CSMD3: variants seen among roughly 807,000 people sequenced by gnomAD.
CSMD3 encodes the protein CUB and Sushi multiple domains 3.
In CSMD3, 177 loss-of-function variants were observed where a neutral mutation model predicts 435.2. That is an observed-to-expected ratio of 0.41 (90% CI 0.36 to 0.46). CSMD3 has a LOEUF of 0.46. Among genes scored for constraint, CSMD3 ranks in the 20% least tolerant of loss-of-function variants. The probability of loss-of-function intolerance (pLI) is 0.34; values close to 1 mark genes in which losing one functional copy is unlikely to be tolerated. For synonymous variants in CSMD3, 1,656 were observed against 1,520.5 expected, an observed-to-expected ratio of 1.09 and a Z score of -2.07; for missense variants, 4,265 against 4,504.6, an observed-to-expected ratio of 0.95 and a Z score of 1.52.
chr8:112,848,592 A>G (rs1430539304), intron 11 of CSMD3, among the ~76,000 whole-genome samples: 1 of 152,132 alleles, frequency 6.6e-6, no homozygotes, highest in Non-Finnish European at 1.5e-5. Context: ...ATGAAAAATA[A>G]GCATATATAA....
intron 8 of CSMD3, 66 bp downstream of exon 8, chr8:112,954,618 A>G (rs2083943047): frequency 9.9e-7 from 1 of 1,006,138 alleles, no homozygotes. Flanking sequence ...AACACATACA[A>G]ACAACACAGA....
At chr8:112,430,352 C>T (rs1586297942) in intron 32 of CSMD3, among the ~76,000 whole-genome samples, 1 of 152,012 alleles carries the variant, frequency 6.6e-6, no homozygotes, top group East Asian at 1.9e-4. Context: ...GATACATTAT[C>T]TCATGTAAGA....
chr8:112,616,511 C>T (rs1833675510), intron 22 of CSMD3, among the ~76,000 whole-genome samples: 1 of 152,088 alleles, frequency 6.6e-6, no homozygotes, highest in Non-Finnish European at 1.5e-5. Flanking sequence ...GTCAAGTAGT[C>T]AAGTAGTCCC....
chr8:112,822,603 A>G (rs2079557990), intron 12 of CSMD3, among the ~76,000 whole-genome samples: 1 of 152,064 alleles, frequency 6.6e-6, no homozygotes, highest in African/African-American at 2.4e-5. Context: ...TGCAGAGACA[A>G]TTTGACTTAC....
chr8:112,952,332 A>G (rs1300451539), intron 8 of CSMD3, among the ~76,000 whole-genome samples: 1 of 151,668 alleles, frequency 6.6e-6, no homozygotes, highest in Non-Finnish European at 1.5e-5. Flanking sequence ...CCATGCTTAT[A>G]CTGACTTTGG....
intron 3 of CSMD3, among the ~76,000 whole-genome samples, chr8:113,241,250 A>T (rs2093212441): frequency 6.6e-6 from 1 of 152,138 alleles, no homozygotes. Flanking sequence ...CCTAGAGAAA[A>T]TATGAATAGA....
intron 2 of CSMD3, among the ~76,000 whole-genome samples, chr8:113,288,531 A>C (rs950172582): frequency 6.6e-6 from 1 of 151,888 alleles, no homozygotes; most frequent in Non-Finnish European, 1.5e-5. Context: ...TTTTCCATTG[A>C]ATAACTGACG....
At position 112,304,822 on chromosome 8, in the gene CSMD3, A is replaced by C. The variant is rs779445076; in HGVS notation, c.8165T>G (p.Val2722Gly). 2.5e-6 allele frequency: 4 copies of C among 1,613,880 alleles called. No individual in the cohort carries two copies. Among genetic ancestry groups the C allele is most frequent in the Non-Finnish European group, 3.4e-6 (4 of 1,179,890 alleles). ...ATGATAACCAGGGTCACAGCTGAAA[A>C]CTACTTTGGTTTTGTATTCATAATG... is the stretch of plus-strand genomic sequence containing the variant. ...GSHYEYKTKV[V>G]FSCDPGYHGL... The change falls in exon 52 of 71, where the codon GTT (valine) becomes GGT (glycine). Residue 2722 changes from valine (V) to glycine (G), a missense_variant. Transcript: ENST00000297405.
intron 1 of CSMD3, among the ~76,000 whole-genome samples, chr8:113,344,105 A>G (rs767541966): frequency 2.6e-5 from 4 of 152,160 alleles, no homozygotes; most frequent in Non-Finnish European, 4.4e-5. Flanking sequence ...GAGTGTGAAG[A>G]AGAACATTTC....
At chr8:112,280,738 A>G (rs1395225233) in intron 59 of CSMD3, among the ~76,000 whole-genome samples, 1 of 152,178 alleles carries the variant, frequency 6.6e-6, no homozygotes, top group Non-Finnish European at 1.5e-5. Context: ...ATAACAAGAG[A>G]GCAAATCAGT....
Position 112,926,261 on chromosome 8 carries a change from C to T in CSMD3, c.1509-4510G>A, listed in dbSNP as rs369949864. 8.8e-3 allele frequency among the ~76,000 whole-genome samples: 1,013 copies of T among 115,394 alleles called. 9 individuals are homozygous for T. The highest frequency in any genetic ancestry group is 0.027 in the African/African-American group (900 of 32,984). The allele number at this position is 115,394 out of a possible 152,430, so 75.7% of individuals were successfully genotyped here. ...AAATATGTGTGTGTGTGTGTGTGAG[C>T]GTGTGTGTGTTTGTGTGTGTGTATG... On this transcript the variant is annotated intron_variant, in intron 9 of 70. Transcript: ENST00000297405.
chr8:112,244,646 T>C (rs2130118040), intron 64 of CSMD3, 73 bp from the exon 65 acceptor site: 1 of 1,123,394 alleles, frequency 8.9e-7, no homozygotes. Context: ...GGAGTCACAA[T>C]ATATTTCAGA....
chr8:113,422,069 G>C (rs956948548), intron 1 of CSMD3, among the ~76,000 whole-genome samples: 1 of 152,048 alleles, frequency 6.6e-6, no homozygotes, highest in Admixed American at 6.6e-5. Flanking sequence ...CCTGTAAATC[G>C]TTTACTAATC....
chr8:112,375,469 G>A (rs893835168), intron 38 of CSMD3, among the ~76,000 whole-genome samples: 4 of 152,020 alleles, frequency 2.6e-5, no homozygotes, highest in African/African-American at 9.7e-5. Flanking sequence ...ACTAGTTATT[G>A]ATTTCCCTCA....
chr8:112,901,909 C>G (rs1343210888), intron 10 of CSMD3, among the ~76,000 whole-genome samples: 2 of 151,230 alleles, frequency 1.3e-5, no homozygotes, highest in Admixed American at 6.6e-5. Context: ...GTTAATGAGG[C>G]CTTGTAGGAA....
intron 10 of CSMD3, among the ~76,000 whole-genome samples, chr8:112,903,816 A>G (rs1276132967): frequency 6.6e-6 from 1 of 151,178 alleles, no homozygotes; most frequent in East Asian, 2.0e-4. Flanking sequence ...ACCTCTAGAT[A>G]TTTTTTCTAC....
chr8:112,547,717 A>G (rs1189458814), intron 27 of CSMD3, among the ~76,000 whole-genome samples: 1 of 152,176 alleles, frequency 6.6e-6, no homozygotes, highest in Non-Finnish European at 1.5e-5. Context: ...TGGAAGAATG[A>G]GCAGAATTTA....
chr8:113,037,670 T>C (rs1396194790), intron 5 of CSMD3, among the ~76,000 whole-genome samples: 2 of 152,178 alleles, frequency 1.3e-5, no homozygotes, highest in Non-Finnish European at 2.9e-5. Flanking sequence ...GCTTTTTTGC[T>C]GTTTTTAATT....
intron 10 of CSMD3, among the ~76,000 whole-genome samples, chr8:112,881,980 T>C (rs2081461431): frequency 1.3e-5 from 2 of 151,948 alleles, no homozygotes; most frequent in Admixed American, 6.6e-5. Flanking sequence ...TCAAGGTCCC[T>C]GATCCCTAAT....
Sources: gnomAD v4.1 joint callset for allele counts (sites outside exome capture counted in the v4.1 genomes callset) on GRCh38, gnomAD v4.1.1 for gene constraint, MANE v1.5 for transcripts, NCBI Gene and HGNC (gene_info 2026-07-23, HGNC 2026-07-21) for gene names.